The following RAPGEF2 variants were observed in gnomAD, a reference collection of about 807,000 sequenced individuals.
RAPGEF2 encodes Rap guanine nucleotide exchange factor 2.
In RAPGEF2, 54 loss-of-function variants were observed where a neutral mutation model predicts 186.7. The ratio of observed to expected loss-of-function variants is 0.29; its 90% CI spans 0.23 to 0.36. The LOEUF (loss-of-function observed/expected upper bound fraction) is 0.36, where lower values mean the gene tolerates loss of function less well. RAPGEF2 is among the 10% of genes least tolerant of loss of function. The pLI is 1.00. For synonymous variants in RAPGEF2, 712 were observed against 705.9 expected, an observed-to-expected ratio of 1.01 and a Z score of -0.14; for missense variants, 1,532 against 2,045.0, an observed-to-expected ratio of 0.75 and a Z score of 4.84.
At chr4:159,254,007 C>T (rs577819299) in intron 7 of RAPGEF2, among the ~76,000 whole-genome samples, 2 of 152,312 alleles carry the variant, frequency 1.3e-5, no homozygotes, top group African/African-American at 2.4e-5. Flanking sequence ...GGAATAATTG[C>T]ACGTCTTTTC....
At chr4:159,238,161 C>A (rs892798726) in intron 4 of RAPGEF2, among the ~76,000 whole-genome samples, 3 of 152,154 alleles carry the variant, frequency 2.0e-5, no homozygotes, top group African/African-American at 7.2e-5. Flanking sequence ...CTTCACCATT[C>A]TTAACGTGGG....
chr4:159,107,806 A>G (rs1376769147), intron 1 of RAPGEF2, among the ~76,000 whole-genome samples: 2 of 152,242 alleles, frequency 1.3e-5, no homozygotes, highest in Non-Finnish European at 2.9e-5. Flanking sequence ...TCTCTGACAA[A>G]TATTTAACTT....
intron 2 of RAPGEF2, among the ~76,000 whole-genome samples, chr4:159,191,234 A>C (rs1748088253): frequency 6.6e-6 from 1 of 152,202 alleles, no homozygotes; most frequent in South Asian, 2.1e-4. Context: ...GTTAAGCTGG[A>C]AAAGCAGAAG....
rs367797028 is a variant in RAPGEF2 at position 159,330,485 on chromosome 4, G to T, written c.1454G>T (p.Ser485Ile). The change falls in exon 13 of 30, where the codon AGC becomes ATC. Residue 485 changes from serine to isoleucine, a missense_variant. Around this residue, in one of 4 missense-constraint regions of RAPGEF2, gnomAD observed 810 missense variants for 1,210.5 expected, o/e 0.67. Transcript: ENST00000691494. ...KKLLEWFNDP[S>I]LRDKVTRVVL... is the part of the protein sequence containing the mutation. ...TTATTGGAGTGGTTTAATGACCCGA[G>T]CCTCAGGGATAAGGTTGGAAATATA... is the stretch of plus-strand genomic sequence containing the variant. The T allele has an allele frequency of 1.2e-6, 2 of 1,602,426 alleles. No homozygotes were observed. Among genetic ancestry groups the T allele is most frequent in the African/African-American group, 2.7e-5 (2 of 74,148 alleles).
intron 17 of RAPGEF2, among the ~76,000 whole-genome samples, chr4:159,333,857 T>C (rs1490699871): frequency 1.3e-5 from 2 of 152,242 alleles, no homozygotes; most frequent in Non-Finnish European, 2.9e-5. Context: ...GCAGTAGATA[T>C]GCAGGACTAT....
intron 1 of RAPGEF2, chr4:159,128,852 A>G (rs1176535022): frequency 6.8e-6 from 1 of 146,558 alleles, no homozygotes; most frequent in Non-Finnish European, 1.5e-5. Flanking sequence ...ACAGACATAC[A>G]TACATACATA....
intron 3 of RAPGEF2, among the ~76,000 whole-genome samples, chr4:159,197,014 T>G (rs1748721339): frequency 6.6e-6 from 1 of 152,260 alleles, no homozygotes. Flanking sequence ...TCAGGTAATT[T>G]CTGCCTTCCT....
chr4:159,201,108 C>T (rs925532982), intron 3 of RAPGEF2, among the ~76,000 whole-genome samples: 2 of 152,200 alleles, frequency 1.3e-5, no homozygotes, highest in Admixed American at 1.3e-4. Flanking sequence ...TGCTGTGTTG[C>T]ATTAACTTAT....
At chr4:159,351,369 G>A (rs1265109810) in intron 26 of RAPGEF2, among the ~76,000 whole-genome samples, 2 of 151,926 alleles carry the variant, frequency 1.3e-5, no homozygotes, top group South Asian at 4.2e-4. Context: ...TTGCAGTGTG[G>A]TTTTATAAAA....
chr4:159,220,425 T>C (rs1300237879), intron 4 of RAPGEF2, among the ~76,000 whole-genome samples: 1 of 152,096 alleles, frequency 6.6e-6, no homozygotes, highest in Non-Finnish European at 1.5e-5. Context: ...TTCATGCTCT[T>C]TTATAAACTT....
At chr4:159,326,842 TGCCTGTGTCTTAG>T (rs1765998619) in intron 11 of RAPGEF2, 1 of 152,292 alleles carries the variant, frequency 6.6e-6, no homozygotes, top group African/African-American at 2.4e-5. Context: ...TCTTCTCCAC[TGCCTGTGTCTTAG>T]GCCTGCCAGT....
At chr4:159,164,536 A>C (rs1445095184) in intron 1 of RAPGEF2, among the ~76,000 whole-genome samples, 1 of 152,122 alleles carries the variant, frequency 6.6e-6, no homozygotes, top group African/African-American at 2.4e-5. Context: ...TTTGGTGATT[A>C]TTAGATATAA....
At chr4:159,162,728 G>T (rs930299248) in intron 1 of RAPGEF2, among the ~76,000 whole-genome samples, 1 of 152,138 alleles carries the variant, frequency 6.6e-6, no homozygotes, top group African/African-American at 2.4e-5. Context: ...TGATTCTCAG[G>T]TTATAAGTAA....
intron 2 of RAPGEF2, among the ~76,000 whole-genome samples, chr4:159,189,996 T>C (rs1477242266): frequency 6.6e-6 from 1 of 152,068 alleles, no homozygotes; most frequent in African/African-American, 2.4e-5. Context: ...ATGCTGGACA[T>C]GATGAGGATG....
At chr4:159,213,257 C>T (rs1181654292) in intron 4 of RAPGEF2, among the ~76,000 whole-genome samples, 2 of 152,032 alleles carry the variant, frequency 1.3e-5, no homozygotes, top group Non-Finnish European at 2.9e-5. Context: ...TGAAGATTGG[C>T]GTTAGTGATT....
chr4:159,125,540 T>C (rs1366149190), intron 1 of RAPGEF2, among the ~76,000 whole-genome samples: 1 of 152,010 alleles, frequency 6.6e-6, no homozygotes, highest in Admixed American at 6.6e-5. Context: ...GGGCGGAACA[T>C]GAGGTCAGGA....
intron 10 of RAPGEF2, among the ~76,000 whole-genome samples, chr4:159,323,134 C>T (rs1224823539): frequency 2.6e-5 from 4 of 152,074 alleles, no homozygotes; most frequent in Non-Finnish European, 5.9e-5. Flanking sequence ...ATGATATTCT[C>T]ATTGAGGCAA....
At chr4:159,221,922 A>G (rs561957429) in intron 4 of RAPGEF2, among the ~76,000 whole-genome samples, 22 of 152,358 alleles carry the variant, frequency 1.4e-4, no homozygotes, top group African/African-American at 5.3e-4. Context: ...CTTTAGCTAC[A>G]CTAGTTTTAA....
At chr4:159,190,357 T>C (rs1747988877) in intron 2 of RAPGEF2, among the ~76,000 whole-genome samples, 1 of 152,226 alleles carries the variant, frequency 6.6e-6, no homozygotes, top group Admixed American at 6.5e-5. Context: ...CAGAAGTCTC[T>C]GTACTTGTGG....
Sources: gnomAD v4.1 joint callset for allele counts (sites outside exome capture counted in the v4.1 genomes callset) on GRCh38, gnomAD v4.1.1 for gene constraint, gnomAD v4.1.1 regional missense constraint, MANE v1.5 for transcripts, NCBI Gene and HGNC (gene_info 2026-07-23, HGNC 2026-07-21) for gene names.